The following NAALADL2 variants were observed in gnomAD, a reference collection of about 807,000 sequenced individuals.
The protein encoded by NAALADL2 is inactive N-acetylated-alpha-linked acidic dipeptidase-like protein 2.
A neutral mutation model predicts 87.2 loss-of-function variants in NAALADL2; 76 were observed. That is an observed-to-expected ratio of 0.87 (90% CI 0.72 to 1.05). The LOEUF (loss-of-function observed/expected upper bound fraction) is 1.05. NAALADL2 is among the 50% of genes least tolerant of loss of function. NAALADL2 has a pLI of 0.00. For missense variants in NAALADL2, 1,089 were observed against 945.8 expected, an observed-to-expected ratio of 1.15 and a Z score of -1.99; for synonymous variants, 354 against 331.0, an observed-to-expected ratio of 1.07 and a Z score of -0.75.
intron 3 of NAALADL2, among the ~76,000 whole-genome samples, chr3:174,815,840 T>G (rs867025628): frequency 0.061 from 9,067 of 148,452 alleles, 955 homozygotes; most frequent in African/African-American, 0.21. Flanking sequence ...GTTTTTTTTT[T>G]TTTTTTTTTT....
intron 5 of NAALADL2, among the ~76,000 whole-genome samples, chr3:175,412,421 C>T (rs1177607588): frequency 1.3e-5 from 2 of 151,984 alleles, no homozygotes; most frequent in African/African-American, 2.4e-5. Flanking sequence ...TTATATGATG[C>T]AGGAGGGAAA....
intron 9 of NAALADL2, among the ~76,000 whole-genome samples, chr3:175,549,309 G>C (rs1713941904): frequency 6.6e-6 from 1 of 151,840 alleles, no homozygotes; most frequent in Non-Finnish European, 1.5e-5. Context: ...ACATCTAACT[G>C]TCATGTTATT....
chr3:175,058,058 T>C (rs1712601233), intron 1 of NAALADL2, among the ~76,000 whole-genome samples: 1 of 152,218 alleles, frequency 6.6e-6, no homozygotes. Context: ...TCTAGACATA[T>C]TTGATTTAAA....
intron 5 of NAALADL2, among the ~76,000 whole-genome samples, chr3:175,388,881 C>G (rs1288803857): frequency 6.6e-6 from 1 of 152,060 alleles, no homozygotes; most frequent in Non-Finnish European, 1.5e-5. Context: ...CATTCATCAA[C>G]TTATCTAAAG....
chr3:174,792,064 A>T (rs1204210493), intron 3 of NAALADL2, among the ~76,000 whole-genome samples: 2 of 152,168 alleles, frequency 1.3e-5, no homozygotes, highest in African/African-American at 4.8e-5. Context: ...AAAACAAACA[A>T]ACAAACAAAA....
chr3:175,071,647 G>A (rs1416938505), intron 1 of NAALADL2, among the ~76,000 whole-genome samples: 1 of 152,010 alleles, frequency 6.6e-6, no homozygotes. Flanking sequence ...GGTTGTATCA[G>A]TTGACTGGGG....
chr3:175,015,578 C>T (rs1019089230), intron 1 of NAALADL2, among the ~76,000 whole-genome samples: 2 of 152,028 alleles, frequency 1.3e-5, no homozygotes, highest in African/African-American at 4.8e-5. Flanking sequence ...ACGTCTTTGC[C>T]TTTTCCTGTC....
intron 2 of NAALADL2, among the ~76,000 whole-genome samples, chr3:175,157,063 C>T (rs1043744749): frequency 4.6e-5 from 7 of 151,852 alleles, no homozygotes; most frequent in Admixed American, 3.3e-4. Flanking sequence ...CACCTGTCTT[C>T]TTTCAGTCTT....
At chr3:174,684,311 G>T (rs981788492) in intron 2 of NAALADL2, among the ~76,000 whole-genome samples, 1 of 151,990 alleles carries the variant, frequency 6.6e-6, no homozygotes, top group African/African-American at 2.4e-5. Context: ...GACTGAATGG[G>T]TATTCAAGAT....
chr3:174,493,610 A>G (rs1231758780), intron 1 of NAALADL2, among the ~76,000 whole-genome samples: 1 of 152,178 alleles, frequency 6.6e-6, no homozygotes, highest in Non-Finnish European at 1.5e-5. Flanking sequence ...TTTTCTTTAA[A>G]TGGATCTAGA....
chr3:175,073,589 C>A (rs1716047007), intron 1 of NAALADL2, among the ~76,000 whole-genome samples: 1 of 151,762 alleles, frequency 6.6e-6, no homozygotes, highest in Non-Finnish European at 1.5e-5. Flanking sequence ...TTTTTTTAAC[C>A]TTGTTACTGG....
intron 2 of NAALADL2, among the ~76,000 whole-genome samples, chr3:174,610,895 G>A (rs530578638): frequency 6.6e-6 from 1 of 152,258 alleles, no homozygotes; most frequent in South Asian, 2.1e-4. Flanking sequence ...GTTCACAATA[G>A]CAAAGACTTG....
chr3:175,033,809 G>A (rs923504929), intron 1 of NAALADL2, among the ~76,000 whole-genome samples: 23 of 152,142 alleles, frequency 1.5e-4, no homozygotes, highest in South Asian at 2.1e-4. Context: ...GATGTGAAGC[G>A]CCATCTTGAA....
At chr3:175,051,711 G>A (rs1755414679) in intron 1 of NAALADL2, among the ~76,000 whole-genome samples, 1 of 152,208 alleles carries the variant, frequency 6.6e-6, no homozygotes, top group Non-Finnish European at 1.5e-5. Context: ...CAAAGGTGTG[G>A]ACTTTAGGAG....
At chr3:175,529,298 T>G (rs947484422) in intron 9 of NAALADL2, among the ~76,000 whole-genome samples, 1 of 152,214 alleles carries the variant, frequency 6.6e-6, no homozygotes, top group Non-Finnish European at 1.5e-5. Context: ...GATGGCAATC[T>G]TAACTTCCAG....
intron 4 of NAALADL2, among the ~76,000 whole-genome samples, chr3:175,319,678 T>C (rs868791084): frequency 2.6e-4 from 40 of 152,004 alleles, no homozygotes; most frequent in African/African-American, 9.4e-4. Flanking sequence ...AAATTAGCCA[T>C]GCATGGTGGT....
intron 5 of NAALADL2, among the ~76,000 whole-genome samples, chr3:175,376,568 G>A (rs9869663): frequency 0.5 from 76,016 of 151,878 alleles, 19,421 homozygotes; most frequent in East Asian, 0.63. Flanking sequence ...TTGACCTTAA[G>A]CCATTTGGTT....
chr3:174,718,111 T>TCAAA (rs1197073999), intron 2 of NAALADL2, among the ~76,000 whole-genome samples: 51 of 152,058 alleles, frequency 3.4e-4, no homozygotes, highest in Middle Eastern at 3.4e-3. Flanking sequence ...ATATTGTGTC[T>TCAAA]CAAACAAACA....
chr3:175,007,938 T>G (rs1749259798), intron 1 of NAALADL2, among the ~76,000 whole-genome samples: 1 of 152,156 alleles, frequency 6.6e-6, no homozygotes, highest in African/African-American at 2.4e-5. Flanking sequence ...ATCTGATAAC[T>G]GAGAGGGCTT....
Sources: allele counts gnomAD v4.1 joint callset (sites outside exome capture counted in the v4.1 genomes callset), GRCh38; gene constraint gnomAD v4.1.1; transcripts MANE v1.5; gene names NCBI Gene and HGNC (gene_info 2026-07-23, HGNC 2026-07-21).